Variants in FGF12 observed in about 807,000 individuals in gnomAD.
The protein encoded by FGF12 is fibroblast growth factor 12B.
A neutral mutation model predicts 23.6 loss-of-function variants in FGF12; 14 were observed. The ratio of observed to expected loss-of-function variants is 0.59; its 90% CI spans 0.39 to 0.93. The LOEUF is 0.93. Among genes scored for constraint, FGF12 ranks in the 40% least tolerant of loss-of-function variants. The probability of loss-of-function intolerance (pLI) is 0.00; values close to 1 mark genes in which losing one functional copy is unlikely to be tolerated. For missense variants in FGF12, 175 were observed against 217.8 expected (o/e 0.80, Z 1.24); for synonymous variants, 62 against 77.3 (o/e 0.80, Z 1.04).
intron 5 of FGF12, among the ~76,000 whole-genome samples, chr3:192,159,603 G>T (rs1244820080): frequency 1.3e-5 from 2 of 152,162 alleles, no homozygotes; most frequent in Non-Finnish European, 2.9e-5. Context: ...ATGTGAGAAA[G>T]TTCCACACAA....
At chr3:192,550,338 T>C (rs576369605) in intron 2 of FGF12, among the ~76,000 whole-genome samples, 84 of 150,138 alleles carry the variant, frequency 5.6e-4, no homozygotes, top group Non-Finnish European at 1.0e-3. Flanking sequence ...CCTTCCTATA[T>C]ATGTGCATAC....
intron 2 of FGF12, among the ~76,000 whole-genome samples, chr3:192,687,357 GC>G (rs1717784974): frequency 6.6e-6 from 1 of 151,808 alleles, no homozygotes; most frequent in Admixed American, 6.6e-5. Flanking sequence ...AGACTCTCAC[GC>G]CCCACACATG....
intron 3 of FGF12, among the ~76,000 whole-genome samples, chr3:192,351,913 G>T (rs1423221933): frequency 1.3e-5 from 2 of 152,162 alleles, no homozygotes; most frequent in Non-Finnish European, 2.9e-5. Flanking sequence ...AAGGGTGAGA[G>T]TGGCTTGCCT....
intron 2 of FGF12, among the ~76,000 whole-genome samples, chr3:192,416,956 A>T (rs1051279055): frequency 6.6e-6 from 1 of 152,140 alleles, no homozygotes. Context: ...CAGTATTTGC[A>T]GCAGGAAGAA....
chr3:192,304,203 A>T (rs1031888818), intron 4 of FGF12, among the ~76,000 whole-genome samples: 5 of 152,192 alleles, frequency 3.3e-5, no homozygotes, highest in Non-Finnish European at 5.9e-5. Flanking sequence ...AAACACATGT[A>T]TCCAAGGGAT....
chr3:192,353,235 T>A (rs1234654526), intron 3 of FGF12, among the ~76,000 whole-genome samples: 2 of 152,126 alleles, frequency 1.3e-5, no homozygotes, highest in Non-Finnish European at 2.9e-5. Flanking sequence ...GGAGCTCCAA[T>A]AAGATTTTTA....
intron 2 of FGF12, among the ~76,000 whole-genome samples, chr3:192,725,493 G>A (rs187759504): frequency 2.6e-5 from 4 of 152,130 alleles, no homozygotes; most frequent in African/African-American, 9.7e-5. Context: ...TGAAAGAACA[G>A]CTAGAACTCT....
At chr3:192,669,896 A>C (rs564428498) in intron 2 of FGF12, among the ~76,000 whole-genome samples, 1 of 152,312 alleles carries the variant, frequency 6.6e-6, no homozygotes, top group African/African-American at 2.4e-5. Flanking sequence ...TCCATCAGCA[A>C]AACATCCATT....
At chr3:192,467,460 T>G (rs1053594259) in intron 2 of FGF12, among the ~76,000 whole-genome samples, 1 of 152,128 alleles carries the variant, frequency 6.6e-6, no homozygotes, top group Non-Finnish European at 1.5e-5. Flanking sequence ...AGCAGAGTTC[T>G]ACTTTAGCCA....
intron 2 of FGF12, among the ~76,000 whole-genome samples, chr3:192,531,035 G>A (rs1322476542): frequency 3.9e-5 from 6 of 152,084 alleles, no homozygotes; most frequent in African/African-American, 1.2e-4. Context: ...GGCTGGTCTC[G>A]AACTGACCTC....
At chr3:192,243,489 T>C (rs1195419481) in intron 4 of FGF12, among the ~76,000 whole-genome samples, 4 of 150,820 alleles carry the variant, frequency 2.7e-5, no homozygotes, top group African/African-American at 4.9e-5. Context: ...GGGAAAAAGA[T>C]AGTTTATTTA....
intron 5 of FGF12, among the ~76,000 whole-genome samples, chr3:192,145,853 A>G: frequency 6.6e-6 from 1 of 152,238 alleles, no homozygotes; most frequent in East Asian, 1.9e-4. Flanking sequence ...AACAAATAGA[A>G]GATCCTTAGG....
At chr3:192,616,549 G>C (rs113330085) in intron 2 of FGF12, among the ~76,000 whole-genome samples, 14 of 152,022 alleles carry the variant, frequency 9.2e-5, no homozygotes, top group African/African-American at 3.1e-4. Context: ...TGTTTGAAGA[G>C]TTCTCAGCAT....
At chr3:192,587,323 C>T (rs575316447) in intron 2 of FGF12, among the ~76,000 whole-genome samples, 1 of 151,996 alleles carries the variant, frequency 6.6e-6, no homozygotes, top group African/African-American at 2.4e-5. Flanking sequence ...GAGGCCCCCA[C>T]TTATTCTAGG....
At chr3:192,307,556 G>T (rs1577339589) in intron 4 of FGF12, among the ~76,000 whole-genome samples, 1 of 152,176 alleles carries the variant, frequency 6.6e-6, no homozygotes, top group Non-Finnish European at 1.5e-5. Context: ...ATATTTGGAA[G>T]ATCTCTCAAT....
chr3:192,624,317 T>C (rs1442808391), intron 2 of FGF12, among the ~76,000 whole-genome samples: 1 of 152,122 alleles, frequency 6.6e-6, no homozygotes, highest in East Asian at 1.9e-4. Context: ...AGGAAAAACA[T>C]AATTTAGATG....
At chr3:192,206,643 A>G (rs76240707) in intron 4 of FGF12, among the ~76,000 whole-genome samples, 2,570 of 152,234 alleles carry the variant, frequency 0.017, 100 homozygotes, top group East Asian at 0.12. Flanking sequence ...AACAAAACCC[A>G]CTCATATTTT....
Position 192,313,693 on chromosome 3 carries a change from T to C in FGF12, c.228+21668A>G, listed in dbSNP as rs1716076471. 2.0e-5 allele frequency among the ~76,000 whole-genome samples: 3 copies of C among 152,210 alleles called. 1 individual carries two copies. Among genetic ancestry groups the C allele is most frequent in the Admixed American group, 2.0e-4 (3 of 15,288 alleles). ...TTCCCAGTAGAGGTTCATAAACCTG[T>C]CAACTAATAGTTATGGTGATTAGAA... On this transcript the variant is annotated intron_variant, in intron 4 of 5. Coordinates refer to ENST00000445105, the MANE Select transcript of FGF12 (RefSeq NM_004113.6).
intron 2 of FGF12, among the ~76,000 whole-genome samples, chr3:192,486,684 T>C (rs538535363): frequency 1.3e-5 from 2 of 152,164 alleles, no homozygotes; most frequent in South Asian, 4.1e-4. Context: ...AGTGTTCTTC[T>C]TTCATTCTGA....
Sources: gnomAD v4.1 joint callset for allele counts (sites outside exome capture counted in the v4.1 genomes callset) on GRCh38, gnomAD v4.1.1 for gene constraint, MANE v1.5 for transcripts, NCBI Gene and HGNC (gene_info 2026-07-23, HGNC 2026-07-21) for gene names.